Variants in SLC6A12 observed in about 807,000 individuals in gnomAD.
SLC6A12 encodes solute carrier family 6 member 12.
A neutral mutation model predicts 73.3 loss-of-function variants in SLC6A12; 50 were observed. The ratio of observed to expected loss-of-function variants is 0.68; its 90% CI spans 0.54 to 0.86. SLC6A12 has a LOEUF of 0.86. SLC6A12 is among the 40% of genes least tolerant of loss of function. SLC6A12 has a pLI of 0.00. For missense variants in SLC6A12, 648 were observed against 772.8 expected (o/e 0.84, Z 1.92); for synonymous variants, 304 against 309.2 (o/e 0.98, Z 0.18).
rs572987426 is a variant in SLC6A12, at chr12:198,332, T to C, written c.847-329A>G. ...CACAGCCAGAAGTCACTTGTCTCAT[T>C]CAACTAAGATCTCTGTACATAGTGT... On this transcript the variant is annotated intron_variant, in intron 8 of 15. Transcript: ENST00000684302. The surrounding 1 kb of genome is among the most constrained non-coding windows in gnomAD (Gnocchi z 4.0). Among the ~76,000 whole-genome samples, 8 of 152,218 alleles carry C rather than the reference T, an allele frequency of 5.3e-5. No individual in the cohort carries two copies. The highest frequency in any genetic ancestry group is 1.2e-4 in the Non-Finnish European group (8 of 68,034).
intron 13 of SLC6A12, chr12:194,081 C>T (rs917493712): frequency 6.6e-6 from 1 of 152,226 alleles, no homozygotes; most frequent in East Asian, 1.9e-4. Flanking sequence ...CCCACCGATC[C>T]CTGATGCATG....
At chr12:196,749 G>C (rs1939887505) in intron 11 of SLC6A12, 21 bp downstream of exon 11, 1 of 1,559,392 alleles carries the variant, frequency 6.4e-7, no homozygotes, top group African/African-American at 1.4e-5. Context: ...CGGCAGGGCA[G>C]GCTGGGCTGC....
downstream of SLC6A12, among the ~76,000 whole-genome samples, chr12:187,618 A>C (rs1191463235): frequency 0.21 from 6,039 of 28,754 alleles, 427 homozygotes; most frequent in Non-Finnish European, 0.41. Context: ...AAAAAAAAAA[A>C]AAAAAAAAAA....
chr12:192,412 C>A, intron 15 of SLC6A12, 66 bp downstream of exon 15: 12 of 1,454,038 alleles, frequency 8.3e-6, no homozygotes, highest in Non-Finnish European at 1.2e-5. Context: ...AGTTGTGTGT[C>A]CTGCCCCAAG....
In SLC6A12 at chr12:201,750, C is replaced by A; in HGVS notation, c.578+12G>T. 1 of 1,609,056 alleles carries A rather than the reference C, an allele frequency of 6.2e-7. No homozygotes were observed. The highest frequency in any genetic ancestry group is 8.5e-7 in the Non-Finnish European group (1 of 1,175,412). On this transcript the variant is annotated intron_variant, in intron 6 of 15. Coordinates refer to ENST00000684302, the MANE Select transcript of SLC6A12 (RefSeq NM_001122848.3). The stretch of plus-strand genomic sequence containing the variant: ...TTCCTCTTCATATGTGGCAAATGGG[C>A]CCAGCACCTACTCCCAGAATTCCAT...
chr12:189,128 G>T (rs1939498224), downstream of SLC6A12, among the ~76,000 whole-genome samples: 1 of 152,232 alleles, frequency 6.6e-6, no homozygotes. Context: ...CAGCACCGAC[G>T]GGTGCCGCGG....
rs141965662 is a variant in SLC6A12, at chr12:191,091, C to T, written c.1822G>A (p.Gly608Arg). The T allele has an allele frequency of 1.3e-4, 176 of 1,335,222 alleles. No homozygotes were observed. Among genetic ancestry groups the T allele is most frequent in the African/African-American group, 3.4e-4 (23 of 66,954 alleles). 82.7% of individuals were successfully genotyped at this position (1,335,222 alleles called of 1,614,324 possible). Residue 608 changes from glycine to arginine, a missense_variant, in exon 16 of 16, where the codon GGG (glycine) becomes AGG (arginine). Gly to Arg is a moderately radical substitution (Grantham distance 125). Transcript: ENST00000684302. ...PSPTREGLIA[G>R]EKETHL ...CCCTACAAATGGGTCTCCTTCTCCC[C>T]GGCTATCAGTCCTTCCCTTGTTGGG... is the stretch of plus-strand genomic sequence containing the variant.
chr12:200,106 C>CTTTTTTTT (rs33929668), intron 7 of SLC6A12, among the ~76,000 whole-genome samples: 1 of 104,578 alleles, frequency 9.6e-6, no homozygotes, highest in Non-Finnish European at 1.8e-5. Flanking sequence ...CCTGAATATT[C>CTTTTTTTT]TTTTTTTTTT....
intron 13 of SLC6A12, among the ~76,000 whole-genome samples, chr12:194,812 T>C (rs1225186462): frequency 1.3e-5 from 2 of 152,126 alleles, no homozygotes; most frequent in African/African-American, 4.8e-5. Context: ...TCCCTGTCCA[T>C]GGAAGTACTC....
intron 9 of SLC6A12, 65 bp from the exon 10 acceptor site, chr12:197,566 T>A: frequency 6.6e-7 from 1 of 1,525,408 alleles, no homozygotes; most frequent in Admixed American, 2.0e-5. Context: ...GAGAGATCAG[T>A]CATGGGAGGA....
At position 200,246 on chromosome 12, in the gene SLC6A12, C is replaced by T. The variant is rs1029658656; in HGVS notation, c.711+405G>A. Among the ~76,000 whole-genome samples, 8 of 150,662 alleles carry T rather than the reference C, an allele frequency of 5.3e-5. 1 individual carries two copies. The highest frequency in any genetic ancestry group is 9.8e-5 in the African/African-American group (4 of 40,768). On this transcript the variant is annotated intron_variant, in intron 7 of 15. Coordinates refer to ENST00000684302, the MANE Select transcript of SLC6A12 (RefSeq NM_001122848.3). Reference sequence around the variant, plus strand: ...GCCTCAGCCTCCTGCATAGCTGGGACTACAGGTGCCCACCACCACGCCCGG... The same window carrying T: ...GCCTCAGCCTCCTGCATAGCTGGGATTACAGGTGCCCACCACCACGCCCGG...
At chr12:186,554 A>G (rs1179384024), downstream of SLC6A12, among the ~76,000 whole-genome samples, 1 of 152,192 alleles carries the variant, frequency 6.6e-6, no homozygotes, top group African/African-American at 2.4e-5. Flanking sequence ...TGCTGCCACT[A>G]GAAGCCTTGG....
At position 200,659 on chromosome 12, in the gene SLC6A12, T is replaced by C. The variant is rs1251512304; in HGVS notation, c.703A>G (p.Thr235Ala). 1 of 1,613,940 alleles carries C rather than the reference T, an allele frequency of 6.2e-7. No individual in the cohort carries two copies. Among genetic ancestry groups the C allele is most frequent in the African/African-American group, 1.3e-5 (1 of 74,916 alleles). ...GAGGCAGGACATCTCACCTTGCCTG[T>C]GGACTTGACCCCCTTCCAGATGCAG... ...YFCIWKGVKS[T>A]GKVVYFTATF... Residue 235 changes from threonine (T) to alanine (A), a missense_variant, in exon 7 of 16, where the codon ACA becomes GCA. Transcript: ENST00000684302.
At chr12:211,839 A>G (rs1307156417) in intron 2 of SLC6A12, among the ~76,000 whole-genome samples, 187 bp downstream of exon 2, 2 of 152,246 alleles carry the variant, frequency 1.3e-5, no homozygotes, top group Non-Finnish European at 2.9e-5. Context: ...CTGAGTCAGC[A>G]GTATGTTAAA....
At chr12:204,517 G>A in intron 4 of SLC6A12, 47 bp downstream of exon 4, 1 of 1,594,006 alleles carries the variant, frequency 6.3e-7, no homozygotes, top group Non-Finnish European at 8.6e-7. Flanking sequence ...GGGGGATGCA[G>A]GCAAGATGGC....
At position 198,657 on chromosome 12, in the gene SLC6A12, T is replaced by G. The variant is rs1591788677; in HGVS notation, c.846+140A>C. On this transcript the variant is annotated intron_variant, in intron 8 of 15. Coordinates refer to ENST00000684302, the MANE Select transcript of SLC6A12 (RefSeq NM_001122848.3). The surrounding 1 kb of genome is among the most constrained non-coding windows in gnomAD (Gnocchi z 4.0). ...TTTTTTTAGTTTCTTTTTTATAGCT[T>G]TCTTCCATATTTTCTAATTTATCTC... 1.4e-6 allele frequency: 1 copy of G among 693,444 alleles called. No individual in the cohort carries two copies. The allele number at this position is 693,444 out of a possible 1,614,324, so 43.0% of individuals were successfully genotyped here.
intron 15 of SLC6A12, 61 bp from the exon 16 acceptor site, chr12:191,272 A>C: frequency 4.8e-6 from 6 of 1,248,504 alleles, no homozygotes; most frequent in Non-Finnish European, 6.1e-6. Flanking sequence ...AAGGTTCCTC[A>C]TGTGTGCAAC....
chr12:197,559 A>C, intron 9 of SLC6A12, 58 bp from the exon 10 acceptor site: 4 of 1,556,072 alleles, frequency 2.6e-6, no homozygotes, highest in Non-Finnish European at 3.5e-6. Context: ...GAAGAGAGAG[A>C]GATCAGTCAT....
chr12:206,904 G>A (rs1305092043), intron 3 of SLC6A12, among the ~76,000 whole-genome samples: 1 of 152,244 alleles, frequency 6.6e-6, no homozygotes, highest in Non-Finnish European at 1.5e-5. Flanking sequence ...TGTGCAGAAG[G>A]TCCTTCCCTC....
Sources: gnomAD v4.1 joint callset for allele counts (sites outside exome capture counted in the v4.1 genomes callset) on GRCh38, gnomAD v4.1.1 for gene constraint, Gnocchi (gnomAD v3.1) non-coding constraint, MANE v1.5 for transcripts, NCBI Gene and HGNC (gene_info 2026-07-23, HGNC 2026-07-21) for gene names.